The following SRBD1 variants were observed in gnomAD, a reference collection of about 807,000 sequenced individuals.
The protein encoded by SRBD1 is S1 RNA binding domain 1.
In SRBD1, 88 loss-of-function variants were observed where a neutral mutation model predicts 115.3. The ratio of observed to expected loss-of-function variants is 0.76; its 90% CI spans 0.64 to 0.91. The LOEUF (loss-of-function observed/expected upper bound fraction) is 0.91, where lower values mean the gene tolerates loss of function less well. SRBD1 is among the 40% of genes least tolerant of loss of function. The pLI is 0.00. For missense variants in SRBD1, 1,385 were observed against 1,177.4 expected, an observed-to-expected ratio of 1.18 and a Z score of -2.58; for synonymous variants, 509 against 407.7, an observed-to-expected ratio of 1.25 and a Z score of -2.99.
chr2:45,607,431 C>T (rs1218237447), intron 1 of SRBD1, among the ~76,000 whole-genome samples: 1 of 152,044 alleles, frequency 6.6e-6, no homozygotes, highest in Non-Finnish European at 1.5e-5. Context: ...CAAATTAAAA[C>T]TATAAAAGAA....
intron 4 of SRBD1, among the ~76,000 whole-genome samples, chr2:45,588,994 T>A (rs1673633383): frequency 6.6e-6 from 1 of 152,314 alleles, no homozygotes; most frequent in African/African-American, 2.4e-5. Context: ...ATCTACTCTG[T>A]CACCAAGGAG....
chr2:45,545,286 A>AC (rs1672078317), intron 14 of SRBD1, among the ~76,000 whole-genome samples: 1 of 44,478 alleles, frequency 2.2e-5, no homozygotes, highest in South Asian at 4.6e-4. Flanking sequence ...TCTCAATTAA[A>AC]AAAAAAAAAA....
intron 14 of SRBD1, among the ~76,000 whole-genome samples, chr2:45,491,946 C>T (rs554463236): frequency 9.3e-5 from 14 of 149,988 alleles, no homozygotes; most frequent in Admixed American, 6.7e-4. Flanking sequence ...CTCAGCCTCC[C>T]GAGTAGCTAG....
At chr2:45,404,451 T>A (rs1667373226) in intron 19 of SRBD1, among the ~76,000 whole-genome samples, 1 of 152,146 alleles carries the variant, frequency 6.6e-6, no homozygotes, top group Admixed American at 6.6e-5. Flanking sequence ...ATACAGTGAG[T>A]TTCCACTTCA....
chr2:45,398,746 T>A (rs940153837), intron 19 of SRBD1, among the ~76,000 whole-genome samples: 1 of 152,196 alleles, frequency 6.6e-6, no homozygotes, highest in Non-Finnish European at 1.5e-5. Flanking sequence ...ACAGTGCTCA[T>A]ATAGTTACCT....
chr2:45,390,195 C>T (rs188033180), intron 20 of SRBD1, among the ~76,000 whole-genome samples: 1 of 152,156 alleles, frequency 6.6e-6, no homozygotes, highest in Non-Finnish European at 1.5e-5. Context: ...ATCTATGGCT[C>T]AGAATCCCAG....
intron 18 of SRBD1, among the ~76,000 whole-genome samples, chr2:45,417,266 G>A (rs1396820183): frequency 1.3e-5 from 2 of 152,012 alleles, no homozygotes; most frequent in African/African-American, 2.4e-5. Context: ...ATTTATCTGG[G>A]TATAGGAGTG....
chr2:45,561,281 T>G (rs1350762650), intron 10 of SRBD1, among the ~76,000 whole-genome samples: 1 of 152,242 alleles, frequency 6.6e-6, no homozygotes, highest in Admixed American at 6.5e-5. Flanking sequence ...TTTTTCAAAA[T>G]GGCTGCACAG....
rs569447076 is a variant in SRBD1, at chr2:45,540,423, A to T, written c.1874+6309T>A. 2.0e-5 allele frequency among the ~76,000 whole-genome samples: 3 copies of T among 152,210 alleles called. No homozygotes were observed. The East Asian group carries it at 5.8e-4, about 29-fold the overall frequency. On this transcript the variant is annotated intron_variant, in intron 14 of 20. Coordinates refer to ENST00000263736, the MANE Select transcript of SRBD1 (RefSeq NM_018079.5). ...AGACTTAATGAGTTAAAACTATAAA[A>T]CTTCTAGTACAAAACAGAAGAAAAT...
At chr2:45,413,033 C>T (rs1426002473) in intron 19 of SRBD1, 81 bp downstream of exon 19, 7 of 1,470,808 alleles carry the variant, frequency 4.8e-6, no homozygotes, top group Non-Finnish European at 6.4e-6. Flanking sequence ...TTTTCAGTTT[C>T]CATTATGCCA....
At chr2:45,586,310 C>T (rs1673519631) in intron 4 of SRBD1, among the ~76,000 whole-genome samples, 1 of 151,810 alleles carries the variant, frequency 6.6e-6, no homozygotes, top group Non-Finnish European at 1.5e-5. Flanking sequence ...TAAAGGTGAG[C>T]AAAAACCTAA....
chr2:45,520,533 G>A (rs185133816), intron 14 of SRBD1, among the ~76,000 whole-genome samples: 12 of 152,356 alleles, frequency 7.9e-5, no homozygotes, highest in Admixed American at 5.9e-4. Flanking sequence ...CATGGCCCTA[G>A]TGAGATACAG....
intron 16 of SRBD1, among the ~76,000 whole-genome samples, chr2:45,440,098 C>CT (rs1668618739): frequency 6.6e-6 from 1 of 152,142 alleles, no homozygotes; most frequent in Non-Finnish European, 1.5e-5. Context: ...CAGTTAATGA[C>CT]ACAAGCTTGC....
At chr2:45,546,949 CATAT>C in intron 13 of SRBD1, 110 bp from the exon 14 acceptor site, 1 of 1,042,324 alleles carries the variant, frequency 9.6e-7, no homozygotes, top group Non-Finnish European at 1.4e-6. Context: ...CTTATTCTCT[CATAT>C]ATACAAGCAA....
At chr2:45,426,658 G>A (rs566208396) in intron 16 of SRBD1, among the ~76,000 whole-genome samples, 1 of 152,276 alleles carries the variant, frequency 6.6e-6, no homozygotes, top group East Asian at 1.9e-4. Flanking sequence ...GGAAGGAAAA[G>A]GCAGCAATCT....
At chr2:45,504,932 C>T (rs141633755) in intron 14 of SRBD1, among the ~76,000 whole-genome samples, 32 of 152,134 alleles carry the variant, frequency 2.1e-4, no homozygotes, top group South Asian at 6.2e-4. Flanking sequence ...GGGAACACAC[C>T]GCCAACCCTC....
intron 3 of SRBD1, among the ~76,000 whole-genome samples, chr2:45,600,291 T>G (rs551663059): frequency 6.9e-6 from 1 of 145,046 alleles, no homozygotes; most frequent in African/African-American, 2.7e-5. Context: ...TACTATAGAT[T>G]TGCAAGATGC....
rs1003452114 is a variant in SRBD1, at chr2:45,389,443, G to C, written c.2855C>G (p.Thr952Arg). 1 of 1,613,988 alleles carries C rather than the reference G, an allele frequency of 6.2e-7. No individual in the cohort carries two copies. Among genetic ancestry groups the C allele is most frequent in the African/African-American group, 1.3e-5 (1 of 75,012 alleles). The change falls in exon 21 of 21, where the codon ACA becomes AGA. Residue 952 changes from threonine (T) to arginine (R), a missense_variant. Coordinates refer to ENST00000263736, the MANE Select transcript of SRBD1 (RefSeq NM_018079.5). ...CTTTGTTTTTGAAAGTTTTGCTTCT[G>C]TTACATTTCGTATGGGAATCAGCCC... ...KSGLIPIRNV[T>R]EAKLSKTKKR...
At chr2:45,390,666 C>T (rs1202166249) in intron 20 of SRBD1, among the ~76,000 whole-genome samples, 3 of 152,174 alleles carry the variant, frequency 2.0e-5, no homozygotes, top group African/African-American at 7.2e-5. Context: ...ATTTCCTTTT[C>T]CTCCACAGCT....
Sources: allele counts gnomAD v4.1 joint callset (sites outside exome capture counted in the v4.1 genomes callset), GRCh38; gene constraint gnomAD v4.1.1; transcripts MANE v1.5; gene names NCBI Gene and HGNC (gene_info 2026-07-23, HGNC 2026-07-21).